Variants in SLC41A2 observed in about 807,000 individuals in gnomAD.
SLC41A2 encodes the protein SLC41A1-like 1.
SLC41A2 carries 32 observed loss-of-function variants against 58.3 expected under a neutral mutation model. That is an observed-to-expected ratio of 0.55 (90% confidence interval 0.41 to 0.74). The LOEUF (loss-of-function observed/expected upper bound fraction) is 0.74. Among genes scored for constraint, SLC41A2 ranks in the 30% least tolerant of loss-of-function variants. The probability of loss-of-function intolerance (pLI) is 0.00; values close to 1 mark genes in which losing one functional copy is unlikely to be tolerated. For missense variants in SLC41A2, 514 were observed against 680.6 expected, an observed-to-expected ratio of 0.76 and a Z score of 2.72; for synonymous variants, 190 against 235.0, an observed-to-expected ratio of 0.81 and a Z score of 1.75.
chr12:104,956,567 T>C (rs527807250), intron 1 of SLC41A2, among the ~76,000 whole-genome samples: 11 of 152,212 alleles, frequency 7.2e-5, no homozygotes, highest in Admixed American at 5.9e-4. Flanking sequence ...TAGTCCCAGC[T>C]ACTTGGGAGG....
At chr12:104,840,042 C>G (rs1415069745) in intron 10 of SLC41A2, among the ~76,000 whole-genome samples, 1 of 152,304 alleles carries the variant, frequency 6.6e-6, no homozygotes, top group Middle Eastern at 3.4e-3. Flanking sequence ...TTTGTACCTT[C>G]TCAGGTTTAT....
chr12:104,918,269 C>G (rs1398799358), intron 2 of SLC41A2, among the ~76,000 whole-genome samples: 1 of 151,970 alleles, frequency 6.6e-6, no homozygotes, highest in Non-Finnish European at 1.5e-5. Context: ...AAAATTTTGA[C>G]TCAGAATTCT....
chr12:104,874,310 G>A (rs1274087607), intron 6 of SLC41A2, among the ~76,000 whole-genome samples: 4 of 151,880 alleles, frequency 2.6e-5, no homozygotes, highest in Admixed American at 2.0e-4. Context: ...TCCTGACCTC[G>A]TGATCCACCC....
chr12:104,914,422 A>G (rs2046223035), intron 2 of SLC41A2, among the ~76,000 whole-genome samples: 1 of 152,188 alleles, frequency 6.6e-6, no homozygotes, highest in African/African-American at 2.4e-5. Context: ...CCTGTTTTAT[A>G]TTGATTTTTG....
At chr12:104,883,882 A>T (rs1369096595) in intron 6 of SLC41A2, among the ~76,000 whole-genome samples, 1 of 152,226 alleles carries the variant, frequency 6.6e-6, no homozygotes, top group Non-Finnish European at 1.5e-5. Flanking sequence ...AAGCTGTCAG[A>T]CAGGGACGTT....
Position 104,916,127 on chromosome 12 carries a change from A to C in SLC41A2, c.556-6365T>G, listed in dbSNP as rs867714292. ...GCATCCCAGGGATGAAGCCCACTTG[A>C]TCATGGTGGATAAGCTTTTTGATGT... On this transcript the variant is annotated intron_variant, in intron 2 of 10. Coordinates refer to ENST00000258538, the MANE Select transcript of SLC41A2 (RefSeq NM_001352171.3). 9.8e-3 allele frequency among the ~76,000 whole-genome samples: 1,489 copies of C among 152,160 alleles called. 22 individuals are homozygous for C. Among genetic ancestry groups the C allele is most frequent in the African/African-American group, 0.034 (1,400 of 41,498 alleles).
Position 104,909,744 on chromosome 12 carries a change from T to A in SLC41A2, c.574A>T (p.Lys192Ter). 1 of 1,607,298 alleles carries A rather than the reference T, an allele frequency of 6.2e-7. No individual in the cohort carries two copies. The highest frequency in any genetic ancestry group is 1.7e-4 in the Middle Eastern group (1 of 6,040). Residue 192 changes from lysine (K) to a stop codon, truncating the protein, a stop_gained, in exon 3 of 11, where the codon AAA becomes TAA. Coordinates refer to ENST00000258538, the MANE Select transcript of SLC41A2 (RefSeq NM_001352171.3). LOFTEE classifies it high-confidence loss of function. ...DIVQHWEVFR[K>*]VTEVFILVPA... ...ACTAAAATGAAAACTTCTGTAACTT[T>A]TCTGAACACCTCCCAGTGCTGTAAG...
intron 10 of SLC41A2, among the ~76,000 whole-genome samples, chr12:104,838,305 G>T (rs775934330): frequency 2.6e-5 from 4 of 152,126 alleles, no homozygotes; most frequent in Non-Finnish European, 5.9e-5. Flanking sequence ...AGGAGCTCTG[G>T]TTATTTATAA....
intron 10 of SLC41A2, among the ~76,000 whole-genome samples, chr12:104,832,156 C>G (rs2136283706): frequency 6.6e-6 from 1 of 152,270 alleles, no homozygotes. Flanking sequence ...CCAAGATTCT[C>G]AGAACAAAGA....
intron 10 of SLC41A2, among the ~76,000 whole-genome samples, chr12:104,808,551 A>G (rs377705708): frequency 2.6e-5 from 4 of 152,010 alleles, no homozygotes; most frequent in South Asian, 4.1e-4. Flanking sequence ...GTCTCTGCCC[A>G]GCTTTGGTAT....
intron 10 of SLC41A2, among the ~76,000 whole-genome samples, chr12:104,842,002 T>C (rs10219587): frequency 1 from 152,140 of 152,174 alleles, 76,053 homozygotes; most frequent in Middle Eastern, 1. Context: ...AGAAGAGTGG[T>C]ATGAACTAAA....
At chr12:104,953,184 C>T (rs921066921) in intron 1 of SLC41A2, among the ~76,000 whole-genome samples, 42 of 152,164 alleles carry the variant, frequency 2.8e-4, no homozygotes, top group African/African-American at 9.2e-4. Flanking sequence ...TATTTAACTA[C>T]ACAATAAAAT....
In SLC41A2 at chr12:104,802,194, CAAGA is replaced by C. The variant is rs1220811817; in HGVS notation, c.*2954_*2957del. On this transcript the variant is annotated 3_prime_UTR_variant, in exon 11 of 11. Transcript: ENST00000258538. The stretch of plus-strand genomic sequence containing the variant: ...TTTATTTTTGAAAGAAAAAAATGGA[CAAGA>C]AAGAAAAATGTTTCTAAAAGTGTTA... 6.6e-6 allele frequency among the ~76,000 whole-genome samples: 1 copy of C among 151,708 alleles called. No individual in the cohort carries two copies. The highest frequency in any genetic ancestry group is 2.4e-5 in the African/African-American group (1 of 41,268).
intron 8 of SLC41A2, among the ~76,000 whole-genome samples, chr12:104,855,500 G>A (rs1200916828): frequency 1.3e-5 from 2 of 152,048 alleles, no homozygotes; most frequent in Non-Finnish European, 2.9e-5. Flanking sequence ...TATATAAATG[G>A]AATAATTTAT....
intron 2 of SLC41A2, among the ~76,000 whole-genome samples, chr12:104,917,781 T>C (rs1196027970): frequency 8.2e-6 from 1 of 121,364 alleles, no homozygotes; most frequent in East Asian, 2.5e-4. Flanking sequence ...TGAGAACACA[T>C]GGACACAGGA....
intron 8 of SLC41A2, among the ~76,000 whole-genome samples, chr12:104,859,430 A>G (rs1565847926): frequency 6.6e-6 from 1 of 152,202 alleles, no homozygotes; most frequent in Non-Finnish European, 1.5e-5. Flanking sequence ...TACAAGAGTA[A>G]GACATGCTTG....
chr12:104,811,482 T>C (rs1425130507), intron 10 of SLC41A2, among the ~76,000 whole-genome samples: 1 of 152,196 alleles, frequency 6.6e-6, no homozygotes, highest in African/African-American at 2.4e-5. Flanking sequence ...ATAAATAGTT[T>C]AGTATAATGG....
chr12:104,834,143 C>T lies in SLC41A2; in HGVS notation c.1536+10329G>A, dbSNP rs190094757. On this transcript the variant is annotated intron_variant, in intron 10 of 10. Transcript: ENST00000258538. The stretch of plus-strand genomic sequence containing the variant: ...CCAATAAAGCAGACAGTCATTTCAT[C>T]TTCTGTGCATCACTGGCCTGGAGCC... 1.0e-4 allele frequency: 100 copies of T among 985,414 alleles called. No individual in the cohort carries two copies. In the East Asian group the frequency reaches 3.6e-3, roughly 36 times the overall value. The allele number at this position is 985,414 out of a possible 1,614,324, so 61.0% of individuals were successfully genotyped here.
rs2048246550 is a variant in SLC41A2 at position 104,958,196 on chromosome 12, C to A, written c.-276G>T. 6.6e-6 allele frequency: 1 copy of A among 151,714 alleles called. No individual in the cohort carries two copies. The highest frequency in any genetic ancestry group is 6.6e-5 in the Admixed American group (1 of 15,226). The allele number at this position is 151,714 out of a possible 1,614,324, so 9.4% of individuals were successfully genotyped here. A position where few individuals can be genotyped will look rare whatever the true frequency, so the allele number is the denominator to read the frequency against. On this transcript the variant is annotated 5_prime_UTR_variant, in exon 1 of 11. Coordinates refer to ENST00000258538, the MANE Select transcript of SLC41A2 (RefSeq NM_001352171.3). ...GGATGGAAGGGGCATTCACCTGGTG[C>A]CCGGCACCGGTGGTGGCGGGGAGGA...
Sources: allele counts gnomAD v4.1 joint callset (sites outside exome capture counted in the v4.1 genomes callset), GRCh38; gene constraint gnomAD v4.1.1; transcripts MANE v1.5; gene names NCBI Gene and HGNC (gene_info 2026-07-23, HGNC 2026-07-21).